Variants in ESCO1 observed in about 807,000 individuals in gnomAD.
ESCO1 encodes establishment of sister chromatid cohesion N-acetyltransferase 1, also known as N-acetyltransferase ESCO1.
A neutral mutation model predicts 83.5 loss-of-function variants in ESCO1; 33 were observed. That is an observed-to-expected ratio of 0.40 (90% confidence interval 0.30 to 0.53). ESCO1 has a LOEUF of 0.53. Among genes scored for constraint, ESCO1 ranks in the 20% least tolerant of loss-of-function variants. The pLI, the probability that ESCO1 is intolerant of heterozygous loss-of-function variation, is 0.63. For synonymous variants in ESCO1, 332 were observed against 324.3 expected, an observed-to-expected ratio of 1.02 and a Z score of -0.25; for missense variants, 855 against 968.0, an observed-to-expected ratio of 0.88 and a Z score of 1.55.
In ESCO1 at chr18:21,574,005, G is replaced by C; in HGVS notation, c.839C>G (p.Pro280Arg). 6.2e-7 allele frequency: 1 copy of C among 1,613,528 alleles called. No individual in the cohort carries two copies. Among genetic ancestry groups the C allele is most frequent in the Non-Finnish European group, 8.5e-7 (1 of 1,180,004 alleles). Residue 280 changes from proline (P) to arginine (R), a missense_variant, in exon 4 of 12, where the codon CCA (proline) becomes CGA (arginine). Around this residue, in one of 2 missense-constraint regions of ESCO1, gnomAD observed 726 missense variants for 699.5 expected, o/e 1.04. Coordinates refer to ENST00000269214, the MANE Select transcript of ESCO1 (RefSeq NM_052911.3). ...ACTTTGTTCAGGCACTGATGGCTGT[G>C]GACTTTTTGGGAGTGTTGTGTTAGT... is the stretch of plus-strand genomic sequence containing the variant. ...VNTNTTLPKS[P>R]QPSVPEQSDN...
At chr18:21,591,981 TG>T (rs1440056059) in intron 1 of ESCO1, among the ~76,000 whole-genome samples, 2 of 151,818 alleles carry the variant, frequency 1.3e-5, no homozygotes, top group South Asian at 4.2e-4. Flanking sequence ...AGCACAGGGT[TG>T]GGGGGTAAGG....
At chr18:21,556,992 C>T (rs1171114646) in intron 8 of ESCO1, among the ~76,000 whole-genome samples, 2 of 152,042 alleles carry the variant, frequency 1.3e-5, no homozygotes, top group East Asian at 1.9e-4. Flanking sequence ...GAGCCACTGA[C>T]CGGTATTGTC....
chr18:21,584,985 T>C (rs892190422), intron 1 of ESCO1, among the ~76,000 whole-genome samples: 9 of 151,652 alleles, frequency 5.9e-5, no homozygotes, highest in African/African-American at 2.2e-4. Flanking sequence ...ACTAAAAAAA[T>C]ACAAAAATTA....
intron 7 of ESCO1, among the ~76,000 whole-genome samples, chr18:21,563,019 G>A (rs893448416): frequency 2.0e-5 from 3 of 151,092 alleles, no homozygotes; most frequent in African/African-American, 4.9e-5. Context: ...TTATAGGAAC[G>A]AATCACCACG....
In ESCO1 at chr18:21,538,129, T is replaced by A. The variant is rs931869868; in HGVS notation, c.2043+1791A>T. On this transcript the variant is annotated intron_variant, in intron 9 of 11. Coordinates refer to ENST00000269214, the MANE Select transcript of ESCO1 (RefSeq NM_052911.3). ...ATAAGGTTACCAGTCAACAGTAGGC[T>A]ATTAGCAGTTAAGTTTTGGGGGAAT... is the stretch of plus-strand genomic sequence containing the variant. Among the ~76,000 whole-genome samples, 5 of 152,060 alleles carry A rather than the reference T, an allele frequency of 3.3e-5. No individual in the cohort carries two copies. In the East Asian group the frequency reaches 9.7e-4, roughly 29 times the overall value.
intron 5 of ESCO1, 75 bp downstream of exon 5, chr18:21,567,905 T>C (rs950521581): frequency 3.8e-6 from 4 of 1,041,472 alleles, no homozygotes; most frequent in East Asian, 2.4e-5. Context: ...CTATTTGGTA[T>C]ATAACATTTT....
rs1274548854 is a variant in ESCO1, at chr18:21,573,992, C to A, written c.852G>T (p.Val284=). ...CCAGCTCATTATCACTTTGTTCAGG[C>A]ACTGATGGCTGTGGACTTTTTGGGA... ...TTLPKSPQPS[V]PEQSDNELEQ... The change falls in exon 4 of 12, where the codon GTG becomes GTT. Residue 284 remains valine, a synonymous_variant. Transcript: ENST00000269214. The A allele has an allele frequency of 6.8e-6, 11 of 1,613,660 alleles. No homozygotes were observed. Among genetic ancestry groups the A allele is most frequent in the Non-Finnish European group, 9.3e-6 (11 of 1,180,018 alleles).
Position 21,587,644 on chromosome 18 carries a change from A to T in ESCO1, c.-824-3204T>A, listed in dbSNP as rs1351846876. ...TCTCTCATTAAAAACTTTTTTAAAA[A>T]AGATAAAAGTAGCCAGGTGTAGTAG... On this transcript the variant is annotated intron_variant, in intron 1 of 11. Transcript: ENST00000269214. Among the ~76,000 whole-genome samples, 5 of 152,162 alleles carry T rather than the reference A, an allele frequency of 3.3e-5. No individual in the cohort carries two copies. In the East Asian group the frequency reaches 7.7e-4, roughly 23 times the overall value.
chr18:21,562,041 G>T (rs959815540), intron 7 of ESCO1, among the ~76,000 whole-genome samples: 1 of 151,476 alleles, frequency 6.6e-6, no homozygotes, highest in African/African-American at 2.4e-5. Context: ...AACATGCCCA[G>T]CTAATTTTTA....
chr18:21,577,019 C>A lies in ESCO1; in HGVS notation c.-693-1242G>T, dbSNP rs1215750112. 3.4e-5 allele frequency among the ~76,000 whole-genome samples: 5 copies of A among 146,460 alleles called. No homozygotes were observed. In the Admixed American group the frequency reaches 3.4e-4, roughly 10 times the overall value. ...CTGCACTCCAGCCTAGGCGACAGAG[C>A]GAGACTCTTGTCTCAAAAAAAAAAA... On this transcript the variant is annotated intron_variant, in intron 2 of 11. Transcript: ENST00000269214.
rs139334005 is a variant in ESCO1, at chr18:21,574,434, C to G, written c.410G>C (p.Arg137Pro). 8.7e-6 allele frequency: 14 copies of G among 1,613,980 alleles called. No individual in the cohort carries two copies. Among genetic ancestry groups the G allele is most frequent in the Non-Finnish European group, 1.2e-5 (14 of 1,180,028 alleles). The change falls in exon 4 of 12, where the codon CGC becomes CCC. Residue 137 changes from arginine to proline, a missense_variant. Transcript: ENST00000269214. ...AACTTGACCCTGAATTTCTCTACTG[C>G]GTAACGACCTTCTTGAAACCTCTGT... ...QLTEVSRRSL[R>P]SREIQGQVQA...
In ESCO1 at chr18:21,577,012, G is replaced by A. The variant is rs1181932793; in HGVS notation, c.-693-1235C>T. Among the ~76,000 whole-genome samples, 9 of 149,176 alleles carry A rather than the reference G, an allele frequency of 6.0e-5. No homozygotes were observed. The South Asian group carries it at 1.1e-3, about 18-fold the overall frequency. On this transcript the variant is annotated intron_variant, in intron 2 of 11. Coordinates refer to ENST00000269214, the MANE Select transcript of ESCO1 (RefSeq NM_052911.3). Reference sequence around the variant, plus strand: ...TGTGCCACTGCACTCCAGCCTAGGCGACAGAGCGAGACTCTTGTCTCAAAA... The same window carrying A: ...TGTGCCACTGCACTCCAGCCTAGGCAACAGAGCGAGACTCTTGTCTCAAAA...
chr18:21,571,588 C>T (rs115576283), intron 4 of ESCO1, among the ~76,000 whole-genome samples: 1 of 152,298 alleles, frequency 6.6e-6, no homozygotes, highest in African/African-American at 2.4e-5. Flanking sequence ...ATAATGTGGT[C>T]TACATAAACA....
In ESCO1 at chr18:21,574,365, C is replaced by T. The variant is rs751447988; in HGVS notation, c.479G>A (p.Cys160Tyr). ...QSLPPTKKEQ[C>Y]SSTQSKSNKT... The stretch of plus-strand genomic sequence containing the variant: ...ATTAGATTTACTCTGAGTACTGCTA[C>T]ACTGCTCTTTTTTAGTTGGTGGCAA... Residue 160 changes from cysteine to tyrosine, a missense_variant, in exon 4 of 12, where the codon TGT becomes TAT. By Grantham distance (194) the Cys-to-Tyr change is radical. Around this residue, in one of 2 missense-constraint regions of ESCO1, gnomAD observed 726 missense variants for 699.5 expected, o/e 1.04. Transcript: ENST00000269214. 1 of 1,614,034 alleles carries T rather than the reference C, an allele frequency of 6.2e-7. No individual in the cohort carries two copies. Among genetic ancestry groups the T allele is most frequent in the Non-Finnish European group, 8.5e-7 (1 of 1,180,022 alleles).
At position 21,573,648 on chromosome 18, in the gene ESCO1, A is replaced by C; in HGVS notation, c.1196T>G (p.Phe399Cys). The stretch of plus-strand genomic sequence containing the variant: ...CAACTTATTGTGCTGCACAGAGTTA[A>C]ATTTTGAGAGTTTAATTTTAGTCCA... ...SNWTKIKLSK[F>C]NSVQHNKLDS... is the part of the protein sequence containing the mutation. The change falls in exon 4 of 12, where the codon TTT (phenylalanine) becomes TGT (cysteine). Residue 399 changes from phenylalanine (F) to cysteine (C), a missense_variant. By Grantham distance (205) the Phe-to-Cys change is radical (BLOSUM62 -2). Transcript: ENST00000269214. 1 of 1,614,136 alleles carries C rather than the reference A, an allele frequency of 6.2e-7. No homozygotes were observed. Among genetic ancestry groups the C allele is most frequent in the Non-Finnish European group, 8.5e-7 (1 of 1,180,026 alleles).
At chr18:21,570,160 T>C (rs908822446) in intron 4 of ESCO1, among the ~76,000 whole-genome samples, 18 of 152,202 alleles carry the variant, frequency 1.2e-4, no homozygotes, top group Non-Finnish European at 2.4e-4. Flanking sequence ...TGCAGTGAAA[T>C]GATCACAGCT....
At chr18:21,566,007 G>C (rs2038255048) in intron 6 of ESCO1, 139 bp downstream of exon 6, 1 of 687,372 alleles carries the variant, frequency 1.5e-6, no homozygotes, top group South Asian at 1.8e-5. Flanking sequence ...AGTATGTATA[G>C]GCATAGAAAA....
At chr18:21,540,538 C>G (rs777190668) in intron 8 of ESCO1, 3 of 1,282,958 alleles carry the variant, frequency 2.3e-6, no homozygotes, top group African/African-American at 1.6e-5. Flanking sequence ...ATCACAACTA[C>G]CAAAGCCACA....
intron 1 of ESCO1, among the ~76,000 whole-genome samples, chr18:21,599,502 A>G (rs1250445424): frequency 6.6e-6 from 1 of 152,146 alleles, no homozygotes; most frequent in East Asian, 1.9e-4. Flanking sequence ...AAAAAAGCCA[A>G]TGCTGGTGGG....
Sources: gnomAD v4.1 joint callset for allele counts (sites outside exome capture counted in the v4.1 genomes callset) on GRCh38, gnomAD v4.1.1 for gene constraint, gnomAD v4.1.1 regional missense constraint, MANE v1.5 for transcripts, NCBI Gene and HGNC (gene_info 2026-07-23, HGNC 2026-07-21) for gene names.